Variants in TCHP observed in about 807,000 individuals in gnomAD.
TCHP encodes the protein trichoplein keratin filament binding, also known as trichoplein keratin filament-binding protein.
A neutral mutation model predicts 88.7 loss-of-function variants in TCHP; 81 were observed. The ratio of observed to expected loss-of-function variants is 0.91; its 90% CI spans 0.76 to 1.10. The LOEUF is 1.10. Among genes scored for constraint, TCHP ranks in the 50% least tolerant of loss-of-function variants. The pLI is 0.00. For synonymous variants in TCHP, 232 were observed against 232.5 expected (o/e 1.00, Z 0.02); for missense variants, 641 against 632.1 (o/e 1.01, Z -0.15).
intron 11 of TCHP, 88 bp from the exon 12 acceptor site, chr12:109,915,315 A>G: frequency 6.3e-7 from 1 of 1,584,558 alleles, no homozygotes; most frequent in Non-Finnish European, 8.7e-7. Flanking sequence ...CAGTCTGGGT[A>G]GGGCCGCAGG....
chr12:109,911,671 C>T (rs1006882068), intron 9 of TCHP, among the ~76,000 whole-genome samples: 5 of 151,146 alleles, frequency 3.3e-5, no homozygotes, highest in Non-Finnish European at 7.4e-5. Flanking sequence ...GTCCATCATT[C>T]CTGAGGAGCA....
intron 1 of TCHP, 151 bp from the exon 2 acceptor site, chr12:109,902,876 C>T (rs1317155558): frequency 4.9e-5 from 27 of 551,780 alleles, no homozygotes; most frequent in Non-Finnish European, 7.9e-5. Context: ...GGCTCAGACA[C>T]GGTTTTGTTT....
rs765474568 is a variant in TCHP at position 109,904,838 on chromosome 12, C to G, written c.456+45C>G. 3.2e-6 allele frequency: 5 copies of G among 1,550,980 alleles called. No homozygotes were observed. The African/African-American group carries it at 6.9e-5, about 21-fold the overall frequency. On this transcript the variant is annotated intron_variant, in intron 4 of 12. Transcript: ENST00000405876. Reference sequence around the variant, plus strand: ...ATTGATTTATCTAAGTAGATGAAATCATGTTTCCAGACACTTTTTTTTTTG... The same window carrying G: ...ATTGATTTATCTAAGTAGATGAAATGATGTTTCCAGACACTTTTTTTTTTG...
chr12:109,916,733 G>T lies in TCHP; in HGVS notation c.*110G>T. ...ACAGTAAGTGCCCGGGGCACTGTCAGATGGCTCAGCAGTGCCTGCTCAGGT... is the reference window on the plus strand; with the variant it reads ...ACAGTAAGTGCCCGGGGCACTGTCATATGGCTCAGCAGTGCCTGCTCAGGT... On this transcript the variant is annotated 3_prime_UTR_variant, in exon 13 of 13. Coordinates refer to ENST00000405876, the MANE Select transcript of TCHP (RefSeq NM_001143852.2). The T allele has an allele frequency of 9.7e-7, 1 of 1,031,572 alleles. No homozygotes were observed. Among genetic ancestry groups the T allele is most frequent in the Non-Finnish European group, 1.5e-6 (1 of 689,586 alleles). 63.9% of individuals were successfully genotyped at this position (1,031,572 alleles called of 1,614,324 possible).
At chr12:109,907,721 C>T (rs1368009441) in intron 6 of TCHP, 22 bp downstream of exon 6, 1 of 1,573,606 alleles carries the variant, frequency 6.4e-7, no homozygotes, top group Non-Finnish European at 8.6e-7. Context: ...CCCCTCTCAG[C>T]CGTGACCTCC....
At chr12:109,907,457 C>T (rs993180774) in intron 5 of TCHP, 69 bp from the exon 6 acceptor site, 12 of 1,520,630 alleles carry the variant, frequency 7.9e-6, no homozygotes, top group East Asian at 6.8e-5. Flanking sequence ...TGCAGAACGG[C>T]GGCAGGAAGC....
Position 109,909,480 on chromosome 12 carries a change from A to G in TCHP, c.879+543A>G, listed in dbSNP as rs767626648. The stretch of plus-strand genomic sequence containing the variant: ...TTGTTTTTGTATTTAAATCTAATTG[A>G]GGTTGCATTCCTCAGCATCTTCAAT... On this transcript the variant is annotated intron_variant, in intron 8 of 12. Transcript: ENST00000405876. Among the ~76,000 whole-genome samples, 12 of 152,174 alleles carry G rather than the reference A, an allele frequency of 7.9e-5. No individual in the cohort carries two copies. The South Asian group carries it at 8.3e-4, about 11-fold the overall frequency.
the TCHP span, among the ~76,000 whole-genome samples, chr12:109,889,923 T>A: frequency 6.6e-6 from 1 of 152,244 alleles, no homozygotes; most frequent in Non-Finnish European, 1.5e-5. Flanking sequence ...TTGCTGCTTC[T>A]TGGGGCCCGT....
At position 109,908,693 on chromosome 12, in the gene TCHP, G is replaced by A. The variant is rs1224966289; in HGVS notation, c.807G>A (p.Glu269=). 8 of 1,592,674 alleles carry A rather than the reference G, an allele frequency of 5.0e-6. No individual in the cohort carries two copies. The highest frequency in any genetic ancestry group is 1.3e-5 in the African/African-American group (1 of 74,864). ...KQMEAFRQKA[E]LGRFLRHQYN... ...TGGAAGCCTTCCGGCAGAAGGCAGA[G>A]CTGGGGTGTGTGTCAGAAGGGCCCC... The change falls in exon 7 of 13, where the codon GAG becomes GAA. Residue 269 remains glutamate (E), a synonymous_variant. Coordinates refer to ENST00000405876, the MANE Select transcript of TCHP (RefSeq NM_001143852.2).
At chr12:109,894,224 C>T in the TCHP span, among the ~76,000 whole-genome samples, 11 of 150,658 alleles carry the variant, frequency 7.3e-5, no homozygotes, top group Non-Finnish European at 1.5e-4. Flanking sequence ...TTTGGGAGGC[C>T]GAGGCGGGCG....
chr12:109,887,573 T>C, the TCHP span, among the ~76,000 whole-genome samples: 992 of 152,218 alleles, frequency 6.5e-3, 9 homozygotes, highest in Non-Finnish European at 9.7e-3. Flanking sequence ...CCTCATTTGA[T>C]CAATCCCCCA....
chr12:109,911,505 C>T (rs141747660), intron 9 of TCHP, among the ~76,000 whole-genome samples: 12 of 148,708 alleles, frequency 8.1e-5, no homozygotes, highest in Non-Finnish European at 1.2e-4. Context: ...TCCAACTACT[C>T]GGGAGGCTAA....
intron 8 of TCHP, among the ~76,000 whole-genome samples, chr12:109,910,278 C>T (rs971707531): frequency 2.0e-5 from 3 of 152,226 alleles, no homozygotes; most frequent in East Asian, 3.8e-4. Context: ...CTGCCCACTG[C>T]GGTCAGGGCA....
intron 11 of TCHP, 113 bp from the exon 12 acceptor site, chr12:109,915,290 C>G: frequency 4.1e-6 from 6 of 1,471,942 alleles, no homozygotes; most frequent in Non-Finnish European, 5.7e-6. Context: ...ATTGCTGTTG[C>G]TCAGCTGGAT....
chr12:109,899,587 G>A (rs1221558133), upstream of TCHP, among the ~76,000 whole-genome samples: 3 of 152,074 alleles, frequency 2.0e-5, no homozygotes, highest in Non-Finnish European at 2.9e-5. Context: ...GCAGTGAATC[G>A]AGATCACGCC....
At chr12:109,895,197 A>C in the TCHP span, among the ~76,000 whole-genome samples, 85 of 151,210 alleles carry the variant, frequency 5.6e-4, 1 homozygote, top group African/African-American at 2.0e-3. Context: ...TTCAAGGTTC[A>C]AGAATTACTT....
At chr12:109,906,783 G>A in intron 5 of TCHP, 143 bp downstream of exon 5, 2 of 671,966 alleles carry the variant, frequency 3.0e-6, no homozygotes. Context: ...TGACACATGT[G>A]AAAACTGAAT....
chr12:109,889,030 C>CAA, the TCHP span, among the ~76,000 whole-genome samples: 12 of 101,044 alleles, frequency 1.2e-4, no homozygotes, highest in East Asian at 1.2e-3. Flanking sequence ...GTCCTGTCAC[C>CAA]AAAAAAAAAA....
chr12:109,913,780 C>G (rs751454724), intron 10 of TCHP, among the ~76,000 whole-genome samples: 3 of 152,140 alleles, frequency 2.0e-5, no homozygotes, highest in Non-Finnish European at 4.4e-5. Flanking sequence ...TTTTGGAATC[C>G]ACAGGAAATT....
Sources: gnomAD v4.1 joint callset for allele counts (sites outside exome capture counted in the v4.1 genomes callset) on GRCh38, gnomAD v4.1.1 for gene constraint, MANE v1.5 for transcripts, NCBI Gene and HGNC (gene_info 2026-07-23, HGNC 2026-07-21) for gene names.